Variants in SLC6A11 observed in about 807,000 individuals in gnomAD.
SLC6A11 encodes solute carrier family 6 member 11, also known as sodium- and chloride-dependent GABA transporter 3.
In SLC6A11, 25 loss-of-function variants were observed where a neutral mutation model predicts 74.8. The observed-to-expected ratio is 0.33, with a 90% CI of 0.24 to 0.47. The LOEUF is 0.47. SLC6A11 is among the 20% of genes least tolerant of loss of function. SLC6A11 has a pLI of 1.00. For synonymous variants in SLC6A11, 330 were observed against 330.2 expected (o/e 1.00, Z 0.01); for missense variants, 574 against 837.0 (o/e 0.69, Z 3.88).
chr3:10,919,124 T>C (rs1423216275), intron 8 of SLC6A11, among the ~76,000 whole-genome samples: 1 of 152,158 alleles, frequency 6.6e-6, no homozygotes, highest in Admixed American at 6.5e-5. Context: ...AGACATAGAA[T>C]CACCATGAGT....
chr3:10,911,376 G>A (rs1695386270), intron 6 of SLC6A11, among the ~76,000 whole-genome samples: 1 of 152,202 alleles, frequency 6.6e-6, no homozygotes, highest in South Asian at 2.1e-4. Flanking sequence ...TGTCATTTCT[G>A]TTGTGCATGT....
chr3:10,825,946 G>T (rs73113812), intron 4 of SLC6A11, among the ~76,000 whole-genome samples: 3,090 of 152,230 alleles, frequency 0.02, 105 homozygotes, highest in African/African-American at 0.071. Context: ...AGCCTGTAAG[G>T]CAAGTCTCCC....
At chr3:10,873,548 T>TCCTATCCTATCCTACCCTACCCTAC (rs1553671160) in intron 5 of SLC6A11, among the ~76,000 whole-genome samples, 1 of 139,268 alleles carries the variant, frequency 7.2e-6, no homozygotes, top group African/African-American at 2.8e-5. Context: ...TCCTATCCTA[T>TCCTATCCTATCCTACCCTACCCTAC]CCTACCCTAC....
At chr3:10,838,380 C>T (rs1000817225) in intron 4 of SLC6A11, among the ~76,000 whole-genome samples, 1 of 152,216 alleles carries the variant, frequency 6.6e-6, no homozygotes, top group Non-Finnish European at 1.5e-5. Context: ...GAGTGAGAGA[C>T]ACCCTCCCAA....
rs182154465 is a variant in SLC6A11 at position 10,842,740 on chromosome 3, A to G, written c.624-1474A>G. ...TAGGTGCTCAGTAAATGTGTATTGT[A>G]TTTAAGTGGATGTTCCCACTTCTCC... On this transcript the variant is annotated intron_variant, in intron 4 of 13. Transcript: ENST00000254488. Among the ~76,000 whole-genome samples, 45 of 152,222 alleles carry G rather than the reference A, an allele frequency of 3.0e-4. 1 individual carries two copies. In the East Asian group the frequency reaches 4.4e-3, roughly 15 times the overall value.
At chr3:10,841,321 A>G (rs868066396) in intron 4 of SLC6A11, among the ~76,000 whole-genome samples, 1 of 152,130 alleles carries the variant, frequency 6.6e-6, no homozygotes, top group African/African-American at 2.4e-5. Context: ...TTTCCCAGGA[A>G]GAGCTGTGCC....
chr3:10,816,576 G>A lies in SLC6A11; in HGVS notation c.256+55G>A. The stretch of plus-strand genomic sequence containing the variant: ...GGCGCCAACCGCCCGGTGGGGGCGG[G>A]GAGCCAGGGGCGAGCGCGAGACCCC... On this transcript the variant is annotated intron_variant, in intron 1 of 13. Coordinates refer to ENST00000254488, the MANE Select transcript of SLC6A11 (RefSeq NM_014229.3). This position sits in a 1 kb window ranked among gnomAD's most constrained non-coding sequence, Gnocchi z 4.2. 6.8e-7 allele frequency: 1 copy of A among 1,479,878 alleles called. No individual in the cohort carries two copies. Among genetic ancestry groups the A allele is most frequent in the Non-Finnish European group, 9.0e-7 (1 of 1,109,056 alleles). The allele number at this position is 1,479,878 out of a possible 1,614,324, so 91.7% of individuals were successfully genotyped here.
chr3:10,870,829 A>AT lies in SLC6A11; in HGVS notation c.757-4126dup, dbSNP rs528583049. On this transcript the variant is annotated intron_variant, in intron 5 of 13. Transcript: ENST00000254488. ...GCTCTCAAACCTCAGCTTACAAATGATTTTTTCTGGGCTAATGCCTGCCAG... is the reference window on the plus strand; with the variant it reads ...GCTCTCAAACCTCAGCTTACAAATGATTTTTTTCTGGGCTAATGCCTGCCAG... 7.8e-4 allele frequency among the ~76,000 whole-genome samples: 119 copies of AT among 152,068 alleles called. 1 individual carries two copies. The East Asian group carries it at 0.021, about 27-fold the overall frequency.
chr3:10,816,274 G>C lies in SLC6A11; in HGVS notation c.9G>C (p.Ala3=). The change falls in exon 1 of 14, where the codon GCG becomes GCC. Residue 3 remains alanine, a synonymous_variant. Transcript: ENST00000254488. This position sits in a 1 kb window ranked among gnomAD's most constrained non-coding sequence, Gnocchi z 4.2. ...AGGCAGCCAGCGCGGCCATGACGGC[G>C]GAGAAGGCGCTGCCCCTGGGCAATG... The part of the protein sequence containing the change: MT[A]EKALPLGNGK... The C allele has an allele frequency of 7.4e-7, 1 of 1,346,452 alleles. No individual in the cohort carries two copies. The highest frequency in any genetic ancestry group is 2.8e-4 in the Middle Eastern group (1 of 3,546). The allele number at this position is 1,346,452 out of a possible 1,614,324, so 83.4% of individuals were successfully genotyped here. A position where few individuals can be genotyped will look rare whatever the true frequency, so the allele number is the denominator to read the frequency against.
intron 9 of SLC6A11, 81 bp from the exon 10 acceptor site, chr3:10,929,121 G>A: frequency 6.7e-7 from 1 of 1,494,076 alleles, no homozygotes; most frequent in Non-Finnish European, 9.2e-7. Flanking sequence ...CAGGGTTCAG[G>A]CCTGCTGCGC....
chr3:10,829,412 A>G (rs1190175462), intron 4 of SLC6A11, among the ~76,000 whole-genome samples: 1 of 152,202 alleles, frequency 6.6e-6, no homozygotes, highest in Non-Finnish European at 1.5e-5. Context: ...GTTTGCCTAC[A>G]GTAGCCTTCA....
chr3:10,819,512 C>A lies in SLC6A11; in HGVS notation c.304C>A (p.Pro102Thr), dbSNP rs761823778. 6.2e-7 allele frequency: 1 copy of A among 1,614,022 alleles called. No individual in the cohort carries two copies. Among genetic ancestry groups the A allele is most frequent in the African/African-American group, 1.3e-5 (1 of 75,022 alleles). The change falls in exon 2 of 14, where the codon CCT becomes ACT. Residue 102 changes from proline to threonine, a missense_variant. Pro to Thr is a conservative substitution (Grantham distance 38). Coordinates refer to ENST00000254488, the MANE Select transcript of SLC6A11 (RefSeq NM_014229.3). ...YVVFFICCGI[P>T]VFFLETALGQ... ...GGTGTTTTTTATTTGCTGTGGAATT[C>A]CTGTTTTTTTCCTGGAGACAGCTCT... is the stretch of plus-strand genomic sequence containing the variant.
At chr3:10,865,620 A>G (rs1483190070) in intron 5 of SLC6A11, among the ~76,000 whole-genome samples, 4 of 152,178 alleles carry the variant, frequency 2.6e-5, no homozygotes, top group African/African-American at 9.6e-5. Context: ...CCAAGATCAC[A>G]CCACTGCACT....
intron 5 of SLC6A11, among the ~76,000 whole-genome samples, chr3:10,845,036 G>A (rs1383895431): frequency 1.3e-5 from 2 of 152,300 alleles, no homozygotes; most frequent in East Asian, 3.9e-4. Flanking sequence ...AGCATGCTGT[G>A]CACTGCAAGG....
intron 5 of SLC6A11, among the ~76,000 whole-genome samples, chr3:10,866,317 C>G (rs1694762301): frequency 6.6e-6 from 1 of 152,184 alleles, no homozygotes; most frequent in Non-Finnish European, 1.5e-5. Context: ...GCCACGCCCA[C>G]CTACAGAGGA....
chr3:10,848,145 C>G (rs1694527583), intron 5 of SLC6A11, among the ~76,000 whole-genome samples: 1 of 152,190 alleles, frequency 6.6e-6, no homozygotes, highest in Admixed American at 6.5e-5. Context: ...AACAATATCC[C>G]CAACTTTAAG....
At chr3:10,900,628 A>T (rs375385538) in intron 6 of SLC6A11, among the ~76,000 whole-genome samples, 4 of 152,152 alleles carry the variant, frequency 2.6e-5, no homozygotes, top group African/African-American at 9.7e-5. Context: ...GGCATGGAGC[A>T]CCCAGGCTTG....
intron 5 of SLC6A11, among the ~76,000 whole-genome samples, chr3:10,848,361 C>T (rs1352149124): frequency 2.0e-5 from 3 of 152,224 alleles, no homozygotes; most frequent in Non-Finnish European, 4.4e-5. Flanking sequence ...ATTAGCATCT[C>T]CTTGCTGGGA....
chr3:10,832,260 C>G (rs149181601), intron 4 of SLC6A11, among the ~76,000 whole-genome samples: 113 of 152,332 alleles, frequency 7.4e-4, no homozygotes, highest in Non-Finnish European at 1.5e-3. Context: ...CAGAGGATCT[C>G]TTCTCTCAAG....
Sources: gnomAD v4.1 joint callset for allele counts (sites outside exome capture counted in the v4.1 genomes callset) on GRCh38, gnomAD v4.1.1 for gene constraint, Gnocchi (gnomAD v3.1) non-coding constraint, MANE v1.5 for transcripts, NCBI Gene and HGNC (gene_info 2026-07-23, HGNC 2026-07-21) for gene names.